The following SPAG4 variants were observed in gnomAD, a reference collection of about 807,000 sequenced individuals.
SPAG4 encodes sperm associated antigen 4, also known as sperm-associated antigen 4 protein.
SPAG4 carries 54 observed loss-of-function variants against 53.9 expected under a neutral mutation model. The observed-to-expected ratio is 1.00, with a 90% CI of 0.80 to 1.26. SPAG4 has a LOEUF of 1.26. Ranked by LOEUF, SPAG4 falls within the 50% of genes most tolerant of loss-of-function variation. SPAG4 has a pLI of 0.00. For synonymous variants in SPAG4, 246 were observed against 237.4 expected (o/e 1.04, Z -0.33); for missense variants, 548 against 568.6 (o/e 0.96, Z 0.37).
At chr20:35,617,728 G>A in intron 3 of SPAG4, 51 bp from the exon 4 acceptor site, 1 of 1,584,702 alleles carries the variant, frequency 6.3e-7, no homozygotes, top group Non-Finnish European at 8.7e-7. Context: ...CCTGGGGTGG[G>A]GACTGGAGGG....
At chr20:35,618,744 A>C (rs2031474012) in intron 7 of SPAG4, 24 bp downstream of exon 7, 1 of 1,522,850 alleles carries the variant, frequency 6.6e-7, no homozygotes, top group South Asian at 1.2e-5. Context: ...CACCTTGGAA[A>C]CCCCTGATGG....
chr20:35,616,808 T>G, intron 1 of SPAG4: 1 of 305,658 alleles, frequency 3.3e-6, no homozygotes, highest in Non-Finnish European at 6.2e-6. Context: ...TTTTGTGTTT[T>G]TAGTAGAGAC....
intron 6 of SPAG4, 52 bp downstream of exon 6, chr20:35,618,527 TG>T: frequency 6.2e-7 from 1 of 1,611,198 alleles, no homozygotes. Flanking sequence ...GTTGCTTCTT[TG>T]AGAACCTTGA....
Position 35,616,023 on chromosome 20 carries a change from C to G in SPAG4, c.20C>G (p.Pro7Arg), listed in dbSNP as rs368624820. The G allele has an allele frequency of 6.2e-6, 10 of 1,611,924 alleles. No individual in the cohort carries two copies. The highest frequency in any genetic ancestry group is 8.5e-6 in the Non-Finnish European group (10 of 1,179,546). Residue 7 changes from proline to arginine, a missense_variant, in exon 1 of 12, where the codon CCG becomes CGG. Coordinates refer to ENST00000374273, the MANE Select transcript of SPAG4 (RefSeq NM_003116.3). ...GTCAGGATGCGGCGAAGCTCCCGCC[C>G]GGGCTCGGCCTCGTCCTCGCGCAAG... is the stretch of plus-strand genomic sequence containing the variant. MRRSSR[P>R]GSASSSRKHT...
intron 8 of SPAG4, 69 bp from the exon 9 acceptor site, chr20:35,619,126 C>A (rs2031487191): frequency 8.4e-7 from 1 of 1,183,598 alleles, no homozygotes; most frequent in Admixed American, 1.9e-5. Context: ...GCCCCCAGCC[C>A]CCGCGCCCCC....
intron 9 of SPAG4, 83 bp downstream of exon 9, chr20:35,619,393 G>T: frequency 6.9e-7 from 1 of 1,452,788 alleles, no homozygotes; most frequent in Non-Finnish European, 9.7e-7. Flanking sequence ...GGCGGAGCTT[G>T]GCTGAGCCGA....
Position 35,620,735 on chromosome 20 carries a change from G to C in SPAG4, c.1129G>C (p.Asp377His). Residue 377 changes from aspartate (D) to histidine (H), a missense_variant, in exon 11 of 12, where the codon GAT becomes CAT. Transcript: ENST00000374273. ...TEVSLGKFTF[D>H]VEKSEIQTFH... Reference sequence around the variant, plus strand: ...AGTTTCCTTGGGGAAATTCACCTTCGATGTTGAGAAATCGGAGATTCAGAC... The same window carrying C: ...AGTTTCCTTGGGGAAATTCACCTTCCATGTTGAGAAATCGGAGATTCAGAC... 1 of 1,599,538 alleles carries C rather than the reference G, an allele frequency of 6.3e-7. No homozygotes were observed. Among genetic ancestry groups the C allele is most frequent in the African/African-American group, 1.4e-5 (1 of 72,930 alleles).
At chr20:35,619,543 T>C (rs767461864) in intron 9 of SPAG4, 36 bp from the exon 10 acceptor site, 3 of 1,601,822 alleles carry the variant, frequency 1.9e-6, no homozygotes, top group Non-Finnish European at 2.6e-6. Context: ...AGTCGCTCTG[T>C]CCGACGGTTC....
chr20:35,620,544 G>A (rs1295464865), intron 10 of SPAG4, 140 bp from the exon 11 acceptor site: 5 of 639,058 alleles, frequency 7.8e-6, no homozygotes, highest in Non-Finnish European at 5.6e-6. Flanking sequence ...GAATTACAGT[G>A]TACGACCATC....
Position 35,619,753 on chromosome 20 carries a change from G to A in SPAG4, c.1077+7G>A. ...CCGCGATTTCGCGGTCTTTGTGAGT[G>A]CGGACGAGGTCAGGAGGTGGGGGAT... On this transcript the variant is annotated splice_region_variant and intron_variant, in intron 10 of 11. Coordinates refer to ENST00000374273, the MANE Select transcript of SPAG4 (RefSeq NM_003116.3). 6.2e-7 allele frequency: 1 copy of A among 1,604,296 alleles called. No individual in the cohort carries two copies. Among genetic ancestry groups the A allele is most frequent in the Non-Finnish European group, 8.5e-7 (1 of 1,173,280 alleles).
In SPAG4 at chr20:35,619,287, CG is replaced by C. The variant is rs762145413; in HGVS notation, c.888del (p.Pro297ArgfsTer26). 4 of 1,613,756 alleles carry C rather than the reference CG, an allele frequency of 2.5e-6. No homozygotes were observed. Among genetic ancestry groups the C allele is most frequent in the Admixed American group, 1.7e-5 (1 of 60,004 alleles). On this transcript the variant is annotated frameshift_variant, in exon 9 of 12. Coordinates refer to ENST00000374273, the MANE Select transcript of SPAG4 (RefSeq NM_003116.3). LOFTEE classifies it high-confidence loss of function. ...WNRFSFWNYARPPTVILEPHV... is the reference protein window; with the variant it reads ...WNRFSFWNYAXPPTVILEPHV... Reference sequence around the variant, plus strand: ...TCGCTTCAGCTTCTGGAACTACGCACGGCCGCCCACGGTTATCCTGGAGGTG... The same window carrying C: ...TCGCTTCAGCTTCTGGAACTACGCACGCCGCCCACGGTTATCCTGGAGGTG...
intron 8 of SPAG4, 44 bp from the exon 9 acceptor site, chr20:35,619,146 CTCCCG>C: frequency 1.7e-6 from 2 of 1,185,130 alleles, no homozygotes; most frequent in Non-Finnish European, 2.3e-6. Flanking sequence ...CGCGCCCCGA[CTCCCG>C]GCAAGGCCTG....
rs760835000 is a variant in SPAG4 at position 35,616,250 on chromosome 20, C to G, written c.247C>G (p.Arg83Gly). Residue 83 changes from arginine (R) to glycine (G), a missense_variant, in exon 1 of 12, where the codon CGG becomes GGG. Transcript: ENST00000374273. ...AAGCTCTCAGCAGAAGCCAGCGCCT[C>G]GGAGCCACAACTGGCAGACAGCCTG... The part of the protein sequence containing the change: ...AGSSQQKPAP[R>G]SHNWQTACGA... 1.3e-6 allele frequency: 2 copies of G among 1,515,174 alleles called. No individual in the cohort carries two copies. The highest frequency in any genetic ancestry group is 2.5e-5 in the East Asian group (1 of 39,564). 93.9% of individuals were successfully genotyped at this position (1,515,174 alleles called of 1,614,324 possible). A position where few individuals can be genotyped will look rare whatever the true frequency, so the allele number is the denominator to read the frequency against.
chr20:35,617,616 A>G, intron 3 of SPAG4, 30 bp downstream of exon 3: 1 of 1,608,018 alleles, frequency 6.2e-7, no homozygotes, highest in Non-Finnish European at 8.5e-7. Context: ...GCGCCCCAGG[A>G]ACAGCTCTTT....
intron 4 of SPAG4, 47 bp downstream of exon 4, chr20:35,617,887 A>C: frequency 1.3e-6 from 2 of 1,576,160 alleles, no homozygotes; most frequent in Non-Finnish European, 1.7e-6. Flanking sequence ...GGTGCTTTGG[A>C]GGCAAACCCA....
At chr20:35,618,321 G>A in intron 5 of SPAG4, 129 bp from the exon 6 acceptor site, 2 of 1,210,944 alleles carry the variant, frequency 1.7e-6, no homozygotes, top group East Asian at 4.8e-5. Flanking sequence ...CTGATACTGG[G>A]AGGTCAAGGA....
intron 10 of SPAG4, 67 bp downstream of exon 10, chr20:35,619,813 G>A (rs2031517354): frequency 6.6e-7 from 1 of 1,505,546 alleles, no homozygotes; most frequent in Admixed American, 1.9e-5. Context: ...TTGAGAACTG[G>A]TGCCGTTATC....
chr20:35,618,022 C>A (rs1375867705), intron 4 of SPAG4, 65 bp from the exon 5 acceptor site: 3 of 1,548,950 alleles, frequency 1.9e-6, no homozygotes, highest in Admixed American at 3.4e-5. Flanking sequence ...TTCCACTGTC[C>A]CCCTATGCCG....
Position 35,618,058 on chromosome 20 carries a change from T to A in SPAG4, c.539-29T>A, listed in dbSNP as rs778254709. The A allele has an allele frequency of 5.6e-6, 9 of 1,610,974 alleles. No individual in the cohort carries two copies. In the South Asian group the frequency reaches 7.7e-5, roughly 14 times the overall value. On this transcript the variant is annotated intron_variant, in intron 4 of 11. Transcript: ENST00000374273. ...GGGAAACCCATTCTCTTCCTTTTCC[T>A]TCTGAGACCCCTCCCTCTCTTTCTC... is the stretch of plus-strand genomic sequence containing the variant.
Sources: gnomAD v4.1 joint callset for allele counts on GRCh38, gnomAD v4.1.1 for gene constraint, MANE v1.5 for transcripts, NCBI Gene and HGNC (gene_info 2026-07-23, HGNC 2026-07-21) for gene names.